FASN: variants seen among roughly 807,000 people sequenced by gnomAD.
The protein encoded by FASN is fatty acid synthase, also known as 3-hydroxyacyl-[acyl-carrier-protein] dehydratase.
FASN carries 50 observed loss-of-function variants against 250.0 expected under a neutral mutation model. The ratio of observed to expected loss-of-function variants is 0.20; its 90% CI spans 0.16 to 0.25. FASN has a LOEUF of 0.25. FASN is among the 10% of genes least tolerant of loss of function. The probability of loss-of-function intolerance (pLI) is 1.00; values close to 1 mark genes in which losing one functional copy is unlikely to be tolerated. For synonymous variants in FASN, 1,909 were observed against 1,584.0 expected (o/e 1.21, Z -4.87); for missense variants, 3,031 against 3,498.5 (o/e 0.87, Z 3.37).
chr17:82,085,145 A>G lies in FASN; in HGVS notation c.4299T>C (p.Ala1433=). The G allele has an allele frequency of 6.2e-7, 1 of 1,612,414 alleles. No individual in the cohort carries two copies. The highest frequency in any genetic ancestry group is 1.1e-5 in the South Asian group (1 of 91,076). Residue 1433 remains alanine, a synonymous_variant, in exon 25 of 43, where the codon GCT becomes GCC. Coordinates refer to ENST00000306749, the MANE Select transcript of FASN (RefSeq NM_004104.5). The stretch of plus-strand genomic sequence containing the variant: ...ACACAGGCCGGGAAGAGTCTTCGTC[A>G]GCCAGGATGCCCTACAGCGGGTCGG... ...RWVESLKGIL[A]DEDSSRPVWL...
rs766436813 is a variant in FASN at position 82,093,734 on chromosome 17, G to A, written c.318C>T (p.Gly106=). The A allele has an allele frequency of 1.4e-5, 23 of 1,612,588 alleles. No individual in the cohort carries two copies. Among genetic ancestry groups the A allele is most frequent in the Middle Eastern group, 1.6e-4 (1 of 6,082 alleles). Residue 106 remains glycine, a synonymous_variant, in exon 4 of 43, where the codon GGC becomes GGT. Transcript: ENST00000306749. ...CAGAGCCGCTCACGCCCACCCAGAC[G>A]CCAGTGTGTGTTCCTCGGAGTGAAT... ...NPDSLRGTHT[G]VWVGVSGSET... is the part of the protein sequence containing the mutation.
Position 82,083,874 on chromosome 17 carries a change from C to A in FASN, c.5116G>T (p.Ala1706Ser). Residue 1706 changes from alanine (A) to serine (S), a missense_variant, in exon 30 of 43, where the codon GCG (alanine) becomes TCG (serine). Ala to Ser is a moderately conservative substitution (Grantham distance 99). Transcript: ENST00000306749. Reference protein sequence around the residue: ...FTTVGSAEKRAYLQARFPQLD... With the variant: ...FTTVGSAEKRSYLQARFPQLD... ...TGGGGGAACCTGGCCTGGAGGTACG[C>A]CCGCTTCTCAGCCGACCCTGGTGAA... 6.3e-7 allele frequency: 1 copy of A among 1,574,898 alleles called. No individual in the cohort carries two copies. The highest frequency in any genetic ancestry group is 8.6e-7 in the Non-Finnish European group (1 of 1,160,388).
In FASN at chr17:82,092,512, G is replaced by A. The variant is rs1356145010; in HGVS notation, c.972C>T (p.Ser324=). Residue 324 remains serine (S), a synonymous_variant, in exon 8 of 43, where the codon TCC becomes TCT. Coordinates refer to ENST00000306749, the MANE Select transcript of FASN (RefSeq NM_004104.5). The stretch of plus-strand genomic sequence containing the variant: ...CCGGGTGCCCCATGTTGGACTTGGT[G>A]GAGCCGATGAGCAGCGGCTCCTGGC... ...ATRQEPLLIG[S]TKSNMGHPEP... is the part of the protein sequence containing the mutation. 7.5e-6 allele frequency: 12 copies of A among 1,602,610 alleles called. No homozygotes were observed. Among genetic ancestry groups the A allele is most frequent in the South Asian group, 1.1e-5 (1 of 89,792 alleles).
chr17:82,083,397 T>C lies in FASN; in HGVS notation c.5370A>G (p.Thr1790=), dbSNP rs756310532. Residue 1790 remains threonine (T), a synonymous_variant, in exon 32 of 43, where the codon ACA becomes ACG. Coordinates refer to ENST00000306749, the MANE Select transcript of FASN (RefSeq NM_004104.5). ...ACGCATCCAGTAGGACCCCGTGGAA[T>C]GTCACGTTCTTCAGGAAGATAGCCA... The part of the protein sequence containing the change: ...LGMAIFLKNV[T]FHGVLLDAFF... 1.2e-6 allele frequency: 2 copies of C among 1,612,810 alleles called. No homozygotes were observed. The highest frequency in any genetic ancestry group is 2.2e-5 in the South Asian group (2 of 91,088).
rs368896751 is a variant in FASN, at chr17:82,090,998, G to A, written c.1564C>T (p.Arg522Cys). Residue 522 changes from arginine (R) to cysteine (C), a missense_variant, in exon 10 of 43, where the codon CGC (arginine) becomes TGC (cysteine). Physicochemically the swap from Arg to Cys is radical, Grantham distance 180 (BLOSUM62 -3). Coordinates refer to ENST00000306749, the MANE Select transcript of FASN (RefSeq NM_004104.5). ...RLDRFRDSIL[R>C]SDEAVKPFGL... ...AATGGCTTCACAGCCTCATCGGAGC[G>A]TAGGATGGAATCTCGGAAGCGGTCC... 1.7e-5 allele frequency: 27 copies of A among 1,612,872 alleles called. No homozygotes were observed. The African/African-American group carries it at 2.1e-4, about 13-fold the overall frequency.
Position 82,079,386 on chromosome 17 carries a change from C to G in FASN, c.7369G>C (p.Asp2457His). 6.2e-7 allele frequency: 1 copy of G among 1,613,010 alleles called. No individual in the cohort carries two copies. The highest frequency in any genetic ancestry group is 8.5e-7 in the Non-Finnish European group (1 of 1,179,998). Reference protein sequence around the residue: ...RAKTGGAYGEDLGADYNLSQV... With the variant: ...RAKTGGAYGEHLGADYNLSQV... Reference sequence around the variant, plus strand: ...GAGAGGTTGTAGTCCGCGCCCAGGTCCTCGCCGTAGGCGCCACCCGTCTTG... The same window carrying G: ...GAGAGGTTGTAGTCCGCGCCCAGGTGCTCGCCGTAGGCGCCACCCGTCTTG... The change falls in exon 42 of 43, where the codon GAC becomes CAC. Residue 2457 changes from aspartate (D) to histidine (H), a missense_variant. Asp to His is a moderately conservative substitution (Grantham distance 81). Coordinates refer to ENST00000306749, the MANE Select transcript of FASN (RefSeq NM_004104.5).
rs758465262 is a variant in FASN, at chr17:82,081,836, G to A, written c.6171C>T (p.Ala2057=). The A allele has an allele frequency of 2.2e-5, 36 of 1,606,448 alleles. No homozygotes were observed. In the East Asian group the frequency reaches 6.0e-4, roughly 27 times the overall value. ...CGTCGCCGATGGCGCCCCACTGCAC[G>A]GCCAGGCCTGTGGGGGAGGGGGCAG... ...KRRHEGLPGL[A]VQWGAIGDVG... is the part of the protein sequence containing the mutation. The change falls in exon 37 of 43, where the codon GCC becomes GCT. Residue 2057 remains alanine (A), a synonymous_variant. Coordinates refer to ENST00000306749, the MANE Select transcript of FASN (RefSeq NM_004104.5).
chr17:82,092,687 G>T lies in FASN; in HGVS notation c.894+10C>A, dbSNP rs748481213. 29 of 1,130,646 alleles carry T rather than the reference G, an allele frequency of 2.6e-5. 1 individual carries two copies. The highest frequency in any genetic ancestry group is 1.7e-4 in the African/African-American group (11 of 65,946). 70.0% of individuals were successfully genotyped at this position (1,130,646 alleles called of 1,614,324 possible). A position where few individuals can be genotyped will look rare whatever the true frequency, so the allele number is the denominator to read the frequency against. ...GGGGTGGTGAGTGGGGCGGGGGGGG[G>T]GGGCATCACCTTGGTGCCTGTGCCG... On this transcript the variant is annotated intron_variant, in intron 7 of 42. Transcript: ENST00000306749.
At chr17:82,087,013 C>A (rs1418250090) in intron 21 of FASN, 37 bp downstream of exon 21, 1 of 1,607,516 alleles carries the variant, frequency 6.2e-7, no homozygotes, top group East Asian at 2.2e-5. Context: ...CTCCTCATCG[C>A]CAGAGGTGTC....
chr17:82,079,349 T>G lies in FASN; in HGVS notation c.7398+8A>C, dbSNP rs770304907. On this transcript the variant is annotated splice_region_variant and intron_variant, in intron 42 of 42. Transcript: ENST00000306749. ...CCTGTCCCCGTTCCCGTCAGGCCCC[T>G]TGCGCACCTGGGAGAGGTTGTAGTC... 7.4e-6 allele frequency: 12 copies of G among 1,612,934 alleles called. No individual in the cohort carries two copies. The highest frequency in any genetic ancestry group is 1.3e-5 in the African/African-American group (1 of 74,942).
In FASN at chr17:82,096,380, G is replaced by A; in HGVS notation, c.66C>T (p.Phe22=). 6.2e-7 allele frequency: 1 copy of A among 1,612,992 alleles called. No homozygotes were observed. ...CCACACCGCCGATGAGGTTGTCCCA[G>A]AACTCCTGCAAGTTCTCCGACTCTG... is the stretch of plus-strand genomic sequence containing the variant. The part of the protein sequence containing the change: ...KLPESENLQE[F]WDNLIGGVDM... Residue 22 remains phenylalanine, a synonymous_variant, in exon 2 of 43, where the codon TTC becomes TTT. Coordinates refer to ENST00000306749, the MANE Select transcript of FASN (RefSeq NM_004104.5).
chr17:82,096,253 G>A (rs2034300476), intron 2 of FASN, 66 bp downstream of exon 2: 1 of 1,602,360 alleles, frequency 6.2e-7, no homozygotes. Flanking sequence ...CAGGGAGGCT[G>A]CTGTGAGGAC....
At chr17:82,095,606 T>C (rs563348614) in intron 2 of FASN, 134 bp from the exon 3 acceptor site, 30 of 1,087,534 alleles carry the variant, frequency 2.8e-5, no homozygotes, top group Middle Eastern at 2.9e-4. Flanking sequence ...GCCCAAACAA[T>C]GGAGCAGGCT....
chr17:82,093,853 G>A, intron 3 of FASN, 82 bp from the exon 4 acceptor site: 2 of 1,439,526 alleles, frequency 1.4e-6, no homozygotes, highest in Admixed American at 2.1e-5. Context: ...CTGGGGCGAA[G>A]GTCCCATCTT....
In FASN at chr17:82,090,867, C is replaced by G. The variant is rs111483630; in HGVS notation, c.1680+15G>C. Reference sequence around the variant, plus strand: ...GGGGCTGGCGTTGCTCACACGCTGGCAGGCTGGGCCCTACCTGGATGGCAG... The same window carrying G: ...GGGGCTGGCGTTGCTCACACGCTGGGAGGCTGGGCCCTACCTGGATGGCAG... On this transcript the variant is annotated intron_variant, in intron 10 of 42. Coordinates refer to ENST00000306749, the MANE Select transcript of FASN (RefSeq NM_004104.5). 2.5e-6 allele frequency: 4 copies of G among 1,568,950 alleles called. No individual in the cohort carries two copies. The Admixed American group carries it at 5.7e-5, about 22-fold the overall frequency.
At position 82,088,013 on chromosome 17, in the gene FASN, C is replaced by T. The variant is rs368158462; in HGVS notation, c.2807G>A (p.Arg936Gln). 30 of 1,612,650 alleles carry T rather than the reference C, an allele frequency of 1.9e-5. No individual in the cohort carries two copies. The highest frequency in any genetic ancestry group is 1.2e-4 in the Admixed American group (7 of 60,004). Residue 936 changes from arginine to glutamine, a missense_variant, in exon 18 of 43, where the codon CGG becomes CAG. Transcript: ENST00000306749. The part of the protein sequence containing the change: ...PKTGTVSLEV[R>Q]LLEASRAFEV... ...GAAGGCACGGGAGGCCTCCAGGAGCCGTACCTCCAGGGACACTGTCCCTGC... is the reference window on the plus strand; with the variant it reads ...GAAGGCACGGGAGGCCTCCAGGAGCTGTACCTCCAGGGACACTGTCCCTGC...
At position 82,090,943 on chromosome 17, in the gene FASN, C is replaced by G. The variant is rs768468110; in HGVS notation, c.1619G>C (p.Ser540Thr). The change falls in exon 10 of 43, where the codon AGC (serine) becomes ACC (threonine). Residue 540 changes from serine (S) to threonine (T), a missense_variant. By Grantham distance (58) the Ser-to-Thr change is moderately conservative. Transcript: ENST00000306749. ...FGLKVSQLLL[S>T]TDESTFDDIV... is the part of the protein sequence containing the mutation. ...GTCATCAAAGGTGCTCTCGTCTGTG[C>G]TCAGCAGCAGCTGTGACACCTTCAG... is the stretch of plus-strand genomic sequence containing the variant. The G allele has an allele frequency of 6.2e-7, 1 of 1,612,662 alleles. No homozygotes were observed.
chr17:82,085,768 G>A lies in FASN; in HGVS notation c.3836C>T (p.Ala1279Val). Residue 1279 changes from alanine (A) to valine (V), a missense_variant, in exon 23 of 43, where the codon GCC becomes GTC. Transcript: ENST00000306749. ...CAGCTCGGCCTGGGCAGCCTCCAGG[G>A]CCTGGGGGTGGCGGTCGGTGGCCGT... Reference protein sequence around the residue: ...SYTATDRHPQALEAAQAELQQ... With the variant: ...SYTATDRHPQVLEAAQAELQQ... The A allele has an allele frequency of 6.4e-7, 1 of 1,564,670 alleles. No homozygotes were observed. Among genetic ancestry groups the A allele is most frequent in the Non-Finnish European group, 8.7e-7 (1 of 1,154,960 alleles).
chr17:82,092,789 T>A lies in FASN; in HGVS notation c.802A>T (p.Ile268Phe), dbSNP rs756056614. Reference sequence around the variant, plus strand: ...AACGAGCGGATGAGCTGCTCCTGGATATCCCCTGAGGGGAAGGTCACGCCT... The same window carrying A: ...AACGAGCGGATGAGCTGCTCCTGGAAATCCCCTGAGGGGAAGGTCACGCCT... ...EQGVTFPSGDIQEQLIRSLYQ... is the reference protein window; with the variant it reads ...EQGVTFPSGDFQEQLIRSLYQ... The change falls in exon 7 of 43, where the codon ATC (isoleucine) becomes TTC (phenylalanine). Residue 268 changes from isoleucine (I) to phenylalanine (F), a missense_variant. Ile to Phe is a conservative substitution (Grantham distance 21). Coordinates refer to ENST00000306749, the MANE Select transcript of FASN (RefSeq NM_004104.5). 6.2e-7 allele frequency: 1 copy of A among 1,602,976 alleles called. No homozygotes were observed. The highest frequency in any genetic ancestry group is 1.7e-5 in the Admixed American group (1 of 59,130).
Sources: allele counts gnomAD v4.1 joint callset, GRCh38; gene constraint gnomAD v4.1.1; transcripts MANE v1.5; gene names NCBI Gene and HGNC (gene_info 2026-07-23, HGNC 2026-07-21).